The following RCAN3 variants were observed in gnomAD, a reference collection of about 807,000 sequenced individuals.
The protein encoded by RCAN3 is regulator of calcineurin 3, also known as calcipressin-3.
In RCAN3, 19 loss-of-function variants were observed where a neutral mutation model predicts 21.9. That is an observed-to-expected ratio of 0.87 (90% CI 0.61 to 1.27). RCAN3 has a LOEUF of 1.27. Ranked by LOEUF, RCAN3 falls within the 50% of genes most tolerant of loss-of-function variation. The pLI is 0.00. For missense variants in RCAN3, 240 were observed against 300.1 expected, an observed-to-expected ratio of 0.80 and a Z score of 1.48; for synonymous variants, 114 against 112.3, an observed-to-expected ratio of 1.01 and a Z score of -0.09.
chr1:24,522,777 ACT>A (rs1409810789), intron 2 of RCAN3, among the ~76,000 whole-genome samples: 2 of 152,042 alleles, frequency 1.3e-5, no homozygotes, highest in African/African-American at 2.4e-5. Context: ...GCTGTTCCAG[ACT>A]CTCAAAATAA....
At chr1:24,532,948 CAAAAAAAAA>C (rs756973308) in intron 3 of RCAN3, 126 bp from the exon 4 acceptor site, 13 of 93,222 alleles carry the variant, frequency 1.4e-4, no homozygotes, top group Middle Eastern at 3.5e-3. Context: ...GACTCCGTCT[CAAAAAAAAA>C]AAAAAAAAAA....
At chr1:24,509,862 G>C (rs956402600) in intron 1 of RCAN3, among the ~76,000 whole-genome samples, 11 of 152,162 alleles carry the variant, frequency 7.2e-5, no homozygotes, top group African/African-American at 2.7e-4. Flanking sequence ...CTTACGAAAT[G>C]TATTTCTTAA....
chr1:24,533,198 A>G lies in RCAN3; in HGVS notation c.485A>G (p.Asp162Gly). 6.2e-7 allele frequency: 1 copy of G among 1,606,518 alleles called. No individual in the cohort carries two copies. The highest frequency in any genetic ancestry group is 8.5e-7 in the Non-Finnish European group (1 of 1,177,492). Residue 162 changes from aspartate (D) to glycine (G), a missense_variant, in exon 4 of 5, where the codon GAT becomes GGT. By Grantham distance (94) the Asp-to-Gly change is moderately conservative (BLOSUM62 -1). Coordinates refer to ENST00000374395, the MANE Select transcript of RCAN3 (RefSeq NM_013441.4). The stretch of plus-strand genomic sequence containing the variant: ...CCGGTGGGGTGGAAGCAGAGCGAAG[A>G]TGCGATGCCTGTTATAAATTATGAT... ...SPPVGWKQSE[D>G]AMPVINYDLL...
intron 2 of RCAN3, among the ~76,000 whole-genome samples, chr1:24,521,877 A>T (rs576053951): frequency 6.9e-4 from 104 of 150,408 alleles, no homozygotes; most frequent in African/African-American, 1.7e-3. Context: ...AAATTTTTTT[A>T]AAAAAGAAAA....
chr1:24,534,487 G>C (rs1464710030), intron 4 of RCAN3, among the ~76,000 whole-genome samples: 1 of 152,090 alleles, frequency 6.6e-6, no homozygotes, highest in African/African-American at 2.4e-5. Context: ...GGCGCCTGTA[G>C]TCCCAGCTAC....
chr1:24,529,477 G>A (rs1649566679), intron 2 of RCAN3, among the ~76,000 whole-genome samples: 1 of 151,054 alleles, frequency 6.6e-6, no homozygotes, highest in South Asian at 2.1e-4. Flanking sequence ...CTTGAGCCCA[G>A]GAGTTTGAGG....
chr1:24,533,936 G>C (rs569272785), intron 4 of RCAN3, among the ~76,000 whole-genome samples: 44 of 152,276 alleles, frequency 2.9e-4, no homozygotes, highest in African/African-American at 1.0e-3. Flanking sequence ...TCTCTCCCCA[G>C]CCCCACCAAG....
chr1:24,537,428 A>G lies in RCAN3; in HGVS notation c.*2151A>G, dbSNP rs1270404378. 6.6e-6 allele frequency: 1 copy of G among 152,184 alleles called. No individual in the cohort carries two copies. The highest frequency in any genetic ancestry group is 1.9e-4 in the East Asian group (1 of 5,204). 9.4% of individuals were successfully genotyped at this position (152,184 alleles called of 1,614,324 possible). ...TAAAAAAGCTACTAAGTACCCATCA[A>G]CTTTTTCATATTGTGAAATGAACCA... On this transcript the variant is annotated 3_prime_UTR_variant, in exon 5 of 5. Transcript: ENST00000374395.
chr1:24,534,138 A>C (rs562287248), intron 4 of RCAN3, among the ~76,000 whole-genome samples: 2 of 152,348 alleles, frequency 1.3e-5, no homozygotes, highest in South Asian at 4.1e-4. Flanking sequence ...CACCCAAGAC[A>C]GAGTTATGTC....
chr1:24,535,607 A>C lies in RCAN3; in HGVS notation c.*330A>C, dbSNP rs1277257225. The C allele has an allele frequency of 1.6e-5, 4 of 246,118 alleles. No homozygotes were observed. The highest frequency in any genetic ancestry group is 3.1e-5 in the Non-Finnish European group (4 of 130,356). The allele number at this position is 246,118 out of a possible 1,614,324, so 15.2% of individuals were successfully genotyped here. A position where few individuals can be genotyped will look rare whatever the true frequency, so the allele number is the denominator to read the frequency against. ...ATGTAAGTCCTCCTGATTCTGTATCACATGAGACACCAAAAACTGGAAATG... is the reference window on the plus strand; with the variant it reads ...ATGTAAGTCCTCCTGATTCTGTATCCCATGAGACACCAAAAACTGGAAATG... On this transcript the variant is annotated 3_prime_UTR_variant, in exon 5 of 5. Transcript: ENST00000374395.
In RCAN3 at chr1:24,531,225, T is replaced by A; in HGVS notation, c.203T>A (p.Phe68Tyr). The A allele has an allele frequency of 6.4e-7, 1 of 1,552,916 alleles. No individual in the cohort carries two copies. Among genetic ancestry groups the A allele is most frequent in the Non-Finnish European group, 8.7e-7 (1 of 1,144,314 alleles). ...GCTGCTCCTTAATTGTAGGAAAGAT[T>A]TGAAGCACTCTTCACCATCTATGAT... The part of the protein sequence containing the change: ...VFEAREQKER[F>Y]EALFTIYDDQ... The change falls in exon 3 of 5, where the codon TTT becomes TAT. Residue 68 changes from phenylalanine to tyrosine, a missense_variant. Phe to Tyr is a conservative substitution (Grantham distance 22, BLOSUM62 3). Coordinates refer to ENST00000374395, the MANE Select transcript of RCAN3 (RefSeq NM_013441.4).
chr1:24,505,225 CTTTTTTCTTTTTTTTTTT>C (rs1208646421), intron 1 of RCAN3, among the ~76,000 whole-genome samples: 81 of 109,562 alleles, frequency 7.4e-4, no homozygotes, highest in African/African-American at 2.8e-3. Flanking sequence ...TTTTTTTTCT[CTTTTTTCTTTTTTTTTTT>C]TTTTTTTTTT....
intron 2 of RCAN3, among the ~76,000 whole-genome samples, chr1:24,521,832 A>G (rs1648840717): frequency 6.6e-6 from 1 of 151,580 alleles, no homozygotes; most frequent in African/African-American, 2.4e-5. Flanking sequence ...TGGGTGACAA[A>G]GTGAGATTCT....
chr1:24,540,222 C>T lies in RCAN3; in HGVS notation c.*4945C>T, dbSNP rs1261748842. Reference sequence around the variant, plus strand: ...CACTGACAAAGATTATAAAAATCATCACGTTCAAAGTAGAGTTTTTAGCCA... The same window carrying T: ...CACTGACAAAGATTATAAAAATCATTACGTTCAAAGTAGAGTTTTTAGCCA... On this transcript the variant is annotated 3_prime_UTR_variant, in exon 5 of 5. Coordinates refer to ENST00000374395, the MANE Select transcript of RCAN3 (RefSeq NM_013441.4). 6.6e-6 allele frequency: 1 copy of T among 152,400 alleles called. No individual in the cohort carries two copies. The highest frequency in any genetic ancestry group is 1.5e-5 in the Non-Finnish European group (1 of 68,046). The allele number at this position is 152,400 out of a possible 1,614,324, so 9.4% of individuals were successfully genotyped here. A position where few individuals can be genotyped will look rare whatever the true frequency, so the allele number is the denominator to read the frequency against.
chr1:24,517,838 C>T (rs196406), intron 2 of RCAN3, among the ~76,000 whole-genome samples: 91,976 of 151,724 alleles, frequency 0.61, 30,244 homozygotes, highest in African/African-American at 0.88. Flanking sequence ...ATTAAAGAAA[C>T]ATTTTTTAAG....
intron 2 of RCAN3, among the ~76,000 whole-genome samples, chr1:24,529,895 G>C (rs913227059): frequency 1.3e-4 from 19 of 151,362 alleles, no homozygotes; most frequent in African/African-American, 4.1e-4. Flanking sequence ...AAACTGTTCA[G>C]GTGCTGGGTG....
chr1:24,510,365 T>A (rs1647776979), intron 1 of RCAN3, among the ~76,000 whole-genome samples: 1 of 152,354 alleles, frequency 6.6e-6, no homozygotes, highest in African/African-American at 2.4e-5. Context: ...GAAAATCTGT[T>A]GAGTGTAGCC....
chr1:24,523,524 AAT>A (rs1313467577), intron 2 of RCAN3, among the ~76,000 whole-genome samples: 1 of 151,472 alleles, frequency 6.6e-6, no homozygotes, highest in Non-Finnish European at 1.5e-5. Context: ...AAAATCCCTA[AAT>A]ATATATACAC....
At chr1:24,510,385 A>G (rs931269713) in intron 1 of RCAN3, among the ~76,000 whole-genome samples, 1 of 152,240 alleles carries the variant, frequency 6.6e-6, no homozygotes, top group African/African-American at 2.4e-5. Context: ...CACCTTCATC[A>G]ATGACCTTAG....
Sources: gnomAD v4.1 joint callset for allele counts (sites outside exome capture counted in the v4.1 genomes callset) on GRCh38, gnomAD v4.1.1 for gene constraint, MANE v1.5 for transcripts, NCBI Gene and HGNC (gene_info 2026-07-23, HGNC 2026-07-21) for gene names.